The following NLRP12 variants were observed in gnomAD, a reference collection of about 807,000 sequenced individuals.
NLRP12 encodes NACHT, LRR and PYD domains-containing protein 12.
NLRP12 carries 108 observed loss-of-function variants against 91.2 expected under a neutral mutation model. That is an observed-to-expected ratio of 1.18 (90% CI 1.01 to 1.39). The LOEUF (loss-of-function observed/expected upper bound fraction) is 1.39. NLRP12 is among the 40% of genes most tolerant of loss of function. The pLI is 0.00. For synonymous variants in NLRP12, 613 were observed against 566.7 expected, an observed-to-expected ratio of 1.08 and a Z score of -1.16; for missense variants, 1,530 against 1,352.7, an observed-to-expected ratio of 1.13 and a Z score of -2.06.
In NLRP12 at chr19:53,819,604, T is replaced by TATGTATGTATTCGTATATATATGCGTAC. The variant is rs2092231842; in HGVS notation, c.289+4281_289+4282insGTACGCATATATATACGAATACATACAT. On this transcript the variant is annotated intron_variant, in intron 1 of 9. Transcript: ENST00000324134. ...ATGTATGTATACGTATATACGCATA[T>TATGTATGTATTCGTATATATATGCGTAC]ATATGTATGTATACGTATATACGCG... is the stretch of plus-strand genomic sequence containing the variant. Among the ~76,000 whole-genome samples the TATGTATGTATTCGTATATATATGCGTAC allele has an allele frequency of 3.1e-5, 2 of 63,988 alleles. 1 individual carries two copies. The highest frequency in any genetic ancestry group is 6.3e-5 in the Non-Finnish European group (2 of 31,528). The allele number at this position is 63,988 out of a possible 152,430, so 42.0% of individuals were successfully genotyped here.
At chr19:53,806,043 G>A (rs1253783893) in intron 4 of NLRP12, among the ~76,000 whole-genome samples, 2 of 148,868 alleles carry the variant, frequency 1.3e-5, no homozygotes, top group Non-Finnish European at 3.0e-5. Context: ...TGACCAGCCT[G>A]GCCAACACAG....
chr19:53,817,678 G>C (rs894367627), intron 1 of NLRP12, among the ~76,000 whole-genome samples: 3 of 152,118 alleles, frequency 2.0e-5, no homozygotes, highest in Non-Finnish European at 4.4e-5. Context: ...AGAGGTTGCA[G>C]TGAGCCGAGA....
chr19:53,801,555 C>T (rs1428806386), intron 6 of NLRP12, among the ~76,000 whole-genome samples, 158 bp from the exon 7 acceptor site: 2 of 147,348 alleles, frequency 1.4e-5, no homozygotes, highest in African/African-American at 2.5e-5. Context: ...CATGTTCAAG[C>T]GATTCTCCTG....
chr19:53,818,374 T>G (rs939900518), intron 1 of NLRP12, among the ~76,000 whole-genome samples: 1 of 151,826 alleles, frequency 6.6e-6, no homozygotes, highest in African/African-American at 2.4e-5. Context: ...TTTTTTTTTT[T>G]AAAGGTAATC....
chr19:53,805,251 A>G (rs746999019), intron 5 of NLRP12, 29 bp downstream of exon 5: 1 of 1,606,532 alleles, frequency 6.2e-7, no homozygotes, highest in East Asian at 2.2e-5. Flanking sequence ...AATGAGCTTA[A>G]GAAGTTGCTC....
chr19:53,814,227 G>C (rs1207476211), intron 2 of NLRP12, among the ~76,000 whole-genome samples: 1 of 152,168 alleles, frequency 6.6e-6, no homozygotes, highest in Non-Finnish European at 1.5e-5. Flanking sequence ...TGCTAAATCA[G>C]TCATGAGTAA....
At chr19:53,802,270 G>A (rs936652644) in intron 6 of NLRP12, among the ~76,000 whole-genome samples, 5 of 151,998 alleles carry the variant, frequency 3.3e-5, no homozygotes, top group African/African-American at 1.2e-4. Context: ...CAAAAGGCTT[G>A]AATACACATT....
At chr19:53,813,299 C>CTTTTTTTTTTTTTT (rs1160039078) in intron 2 of NLRP12, among the ~76,000 whole-genome samples, 2 of 86,034 alleles carry the variant, frequency 2.3e-5, no homozygotes, top group Non-Finnish European at 4.4e-5. Flanking sequence ...TTTTTCTTTT[C>CTTTTTTTTTTTTTT]TTTTTTTTTT....
chr19:53,823,889 T>TCA lies in NLRP12; in HGVS notation c.284_285dup (p.Arg96Ter). On this transcript the variant is annotated frameshift_variant, in exon 1 of 10. Transcript: ENST00000324134. LOFTEE classifies it high-confidence loss of function. ...GCCTGTCCCGCCACCTCCTTACCCCTCACCAGGTCCTCTCTCTGTCCTCTC... is the reference window on the plus strand; with the variant it reads ...GCCTGTCCCGCCACCTCCTTACCCCTCACACCAGGTCCTCTCTCTGTCCTCTC... The TCA allele has an allele frequency of 6.2e-7, 1 of 1,613,912 alleles. No individual in the cohort carries two copies. Among genetic ancestry groups the TCA allele is most frequent in the Non-Finnish European group, 8.5e-7 (1 of 1,180,014 alleles).
chr19:53,816,379 C>A (rs1599857484), intron 1 of NLRP12, among the ~76,000 whole-genome samples: 1 of 152,052 alleles, frequency 6.6e-6, no homozygotes, highest in African/African-American at 2.4e-5. Flanking sequence ...ACAGCCCGCC[C>A]CCCCCAACAG....
At chr19:53,813,432 G>C (rs1401932831) in intron 2 of NLRP12, among the ~76,000 whole-genome samples, 2 of 150,062 alleles carry the variant, frequency 1.3e-5, no homozygotes, top group African/African-American at 2.5e-5. Context: ...CTCCCAAGTA[G>C]CTCAGACTAC....
Position 53,811,082 on chromosome 19 carries a change from G to T in NLRP12, c.577C>A (p.Pro193Thr). 6.2e-7 allele frequency: 1 copy of T among 1,613,824 alleles called. No individual in the cohort carries two copies. The highest frequency in any genetic ancestry group is 8.5e-7 in the Non-Finnish European group (1 of 1,179,780). The part of the protein sequence containing the change: ...HARTVGHQAS[P>T]IKIETLFEPD... Reference sequence around the variant, plus strand: ...TCAAAGAGGGTCTCTATCTTGATGGGGCTAGCCTGGTGTCCCACGGTCCTC... The same window carrying T: ...TCAAAGAGGGTCTCTATCTTGATGGTGCTAGCCTGGTGTCCCACGGTCCTC... The change falls in exon 3 of 10, where the codon CCC becomes ACC. Residue 193 changes from proline (P) to threonine (T), a missense_variant. By Grantham distance (38) the Pro-to-Thr change is conservative. Coordinates refer to ENST00000324134, the MANE Select transcript of NLRP12 (RefSeq NM_144687.4).
At chr19:53,813,582 G>A (rs1310258758) in intron 2 of NLRP12, among the ~76,000 whole-genome samples, 1 of 152,170 alleles carries the variant, frequency 6.6e-6, no homozygotes, top group Non-Finnish European at 1.5e-5. Flanking sequence ...GATTACAGGC[G>A]TGAGCCACCA....
intron 9 of NLRP12, among the ~76,000 whole-genome samples, chr19:53,795,087 GC>G (rs1233871242): frequency 1.4e-5 from 2 of 144,292 alleles, no homozygotes; most frequent in Non-Finnish European, 3.0e-5. Context: ...AGAGGTGTGT[GC>G]CACCATACCT....
chr19:53,801,109 AAG>A (rs1491053122), intron 7 of NLRP12, 116 bp downstream of exon 7: 1 of 898,828 alleles, frequency 1.1e-6, no homozygotes, highest in Non-Finnish European at 1.7e-6. Flanking sequence ...AAAAAAAAAA[AAG>A]GCTGATGTAG....
At chr19:53,808,087 C>T (rs2091992506) in intron 3 of NLRP12, 10 of 350,978 alleles carry the variant, frequency 2.8e-5, no homozygotes, top group South Asian at 2.2e-4. Flanking sequence ...TTTAGAGGGC[C>T]TTGCCCTGTT....
At chr19:53,795,099 GGTGTGTGCGT>G (rs68102869) in intron 9 of NLRP12, among the ~76,000 whole-genome samples, 51,785 of 133,340 alleles carry the variant, frequency 0.39, 9,364 homozygotes, top group African/African-American at 0.5. Context: ...CACCATACCT[GGTGTGTGCGT>G]GTGTGTGTGT....
At chr19:53,796,782 A>AGGTC (rs2091770781) in intron 8 of NLRP12, among the ~76,000 whole-genome samples, 1 of 151,818 alleles carries the variant, frequency 6.6e-6, no homozygotes, top group South Asian at 2.1e-4. Flanking sequence ...AGATCACCTG[A>AGGTC]GGTCGGGAGT....
chr19:53,809,513 A>G lies in NLRP12; in HGVS notation c.2072+74T>C, dbSNP rs564560157. 1.2e-4 allele frequency: 146 copies of G among 1,209,818 alleles called. No individual in the cohort carries two copies. In the African/African-American group the frequency reaches 2.4e-3, roughly 20 times the overall value. 74.9% of individuals were successfully genotyped at this position (1,209,818 alleles called of 1,614,324 possible). A position where few individuals can be genotyped will look rare whatever the true frequency, so the allele number is the denominator to read the frequency against. ...GCCAGTGTACTCCAGCCTAGGCAAC[A>G]GAGCAAAAAAAAAAAAAAAAAAAAA... is the stretch of plus-strand genomic sequence containing the variant. On this transcript the variant is annotated intron_variant, in intron 3 of 9. Transcript: ENST00000324134.
Sources: gnomAD v4.1 joint callset for allele counts (sites outside exome capture counted in the v4.1 genomes callset) on GRCh38, gnomAD v4.1.1 for gene constraint, MANE v1.5 for transcripts, NCBI Gene and HGNC (gene_info 2026-07-23, HGNC 2026-07-21) for gene names.